DENND1A: variants seen among roughly 807,000 people sequenced by gnomAD.
DENND1A encodes DENN domain containing 1A, also known as DENN domain-containing protein 1A.
A neutral mutation model predicts 113.7 loss-of-function variants in DENND1A; 51 were observed. The observed-to-expected ratio is 0.45, with a 90% confidence interval of 0.36 to 0.57. The LOEUF (loss-of-function observed/expected upper bound fraction) is 0.57. Ranked by LOEUF, DENND1A falls within the 20% of genes least tolerant of loss-of-function variation. The pLI is 0.00. For missense variants in DENND1A, 1,258 were observed against 1,395.9 expected, an observed-to-expected ratio of 0.90 and a Z score of 1.57; for synonymous variants, 565 against 570.8, an observed-to-expected ratio of 0.99 and a Z score of 0.14.
chr9:123,800,885 G>C (rs920192231), intron 2 of DENND1A, among the ~76,000 whole-genome samples: 2 of 152,126 alleles, frequency 1.3e-5, no homozygotes, highest in Non-Finnish European at 2.9e-5. Context: ...TAAAAACACA[G>C]AGAAAATGTC....
intron 19 of DENND1A, chr9:123,437,717 G>T (rs534581212): frequency 1.3e-5 from 2 of 152,110 alleles, no homozygotes; most frequent in Non-Finnish European, 2.9e-5. Context: ...CTGGTGAAGT[G>T]GCCCTGGGCA....
At chr9:123,506,764 G>A (rs1332850283) in intron 13 of DENND1A, among the ~76,000 whole-genome samples, 1 of 152,088 alleles carries the variant, frequency 6.6e-6, no homozygotes, top group Non-Finnish European at 1.5e-5. Context: ...TCACAGGAGT[G>A]GGGTTGAACC....
At chr9:123,433,873 G>A (rs898995546) in intron 19 of DENND1A, among the ~76,000 whole-genome samples, 1 of 152,194 alleles carries the variant, frequency 6.6e-6, no homozygotes, top group Non-Finnish European at 1.5e-5. Context: ...GCCCATCCTT[G>A]GGCACAGGAG....
At chr9:123,559,574 A>T (rs2057619261) in intron 12 of DENND1A, among the ~76,000 whole-genome samples, 1 of 152,236 alleles carries the variant, frequency 6.6e-6, no homozygotes, top group African/African-American at 2.4e-5. Context: ...TGGGGAAAAA[A>T]AAATCCGACC....
chr9:123,481,470 C>T (rs769019343), intron 13 of DENND1A, among the ~76,000 whole-genome samples: 3 of 152,198 alleles, frequency 2.0e-5, no homozygotes, highest in Admixed American at 1.3e-4. Context: ...CCGAAGAGGC[C>T]GTCCTTCACT....
chr9:123,664,617 C>T (rs1273746293), intron 8 of DENND1A, among the ~76,000 whole-genome samples: 3 of 151,982 alleles, frequency 2.0e-5, no homozygotes, highest in African/African-American at 4.8e-5. Context: ...GGCCACATCC[C>T]TAAGGCACTT....
chr9:123,414,464 G>T, intron 19 of DENND1A: 1 of 1,508,196 alleles, frequency 6.6e-7, no homozygotes, highest in South Asian at 1.3e-5. Context: ...GCATCTCACA[G>T]GGTGTCTGCT....
At chr9:123,922,517 C>G (rs1262659014) in intron 1 of DENND1A, among the ~76,000 whole-genome samples, 1 of 152,170 alleles carries the variant, frequency 6.6e-6, no homozygotes, top group Non-Finnish European at 1.5e-5. Context: ...TTGTAAAAGC[C>G]AGAGATATCA....
chr9:123,688,046 G>A (rs763482940), intron 5 of DENND1A, among the ~76,000 whole-genome samples: 1 of 152,232 alleles, frequency 6.6e-6, no homozygotes, highest in African/African-American at 2.4e-5. Flanking sequence ...TATTTTAATA[G>A]TAGTGGAGAC....
At chr9:123,928,659 A>C (rs975051337) in intron 1 of DENND1A, 162 of 985,328 alleles carry the variant, frequency 1.6e-4, no homozygotes, top group African/African-American at 8.0e-4. Flanking sequence ...CATCTCATAC[A>C]TATTTTGTAA....
chr9:123,604,814 A>C (rs1477035213), intron 11 of DENND1A, among the ~76,000 whole-genome samples: 7 of 152,252 alleles, frequency 4.6e-5, no homozygotes, highest in African/African-American at 1.7e-4. Context: ...GATCCTGGGA[A>C]CCCAAGAGCT....
At chr9:123,531,057 T>C (rs968517938) in intron 13 of DENND1A, among the ~76,000 whole-genome samples, 1 of 152,202 alleles carries the variant, frequency 6.6e-6, no homozygotes, top group African/African-American at 2.4e-5. Context: ...GAGATAAAGA[T>C]ATTAAATACA....
chr9:123,615,132 G>A (rs1346800712), intron 10 of DENND1A, among the ~76,000 whole-genome samples: 1 of 152,208 alleles, frequency 6.6e-6, no homozygotes, highest in East Asian at 1.9e-4. Flanking sequence ...GCCAGTGTAG[G>A]AGAGGAAGCC....
rs189374345 is a variant in DENND1A, at chr9:123,918,564, C to T, written c.17+11325G>A. 9.4e-4 allele frequency among the ~76,000 whole-genome samples: 143 copies of T among 151,886 alleles called. 2 individuals carry two copies. The highest frequency in any genetic ancestry group is 6.5e-3 in the South Asian group (31 of 4,800). On this transcript the variant is annotated intron_variant, in intron 1 of 23. Coordinates refer to ENST00000394215, the MANE Select transcript of DENND1A (RefSeq NM_001352964.2). The stretch of plus-strand genomic sequence containing the variant: ...TAAACATCAGTGAGGACAGTAACTA[C>T]AGCAGATTGAAATATAGCCAATAAG...
chr9:123,615,781 C>T (rs1307183566), intron 10 of DENND1A, among the ~76,000 whole-genome samples: 1 of 152,176 alleles, frequency 6.6e-6, no homozygotes, highest in East Asian at 1.9e-4. Flanking sequence ...AATCCTGTTT[C>T]CCAGAGCCTC....
At chr9:123,394,360 C>T (rs538843937) in intron 21 of DENND1A, among the ~76,000 whole-genome samples, 81 of 152,002 alleles carry the variant, frequency 5.3e-4, no homozygotes, top group African/African-American at 1.5e-3. Flanking sequence ...ACTCCATGTC[C>T]GGGTGGGGAG....
intron 9 of DENND1A, among the ~76,000 whole-genome samples, chr9:123,650,815 G>C (rs993280145): frequency 5.5e-5 from 8 of 145,320 alleles, no homozygotes; most frequent in African/African-American, 2.1e-4. Context: ...ACTGAAGCAA[G>C]AGAATTACTT....
At chr9:123,802,379 T>A (rs1167482383) in intron 2 of DENND1A, among the ~76,000 whole-genome samples, 1 of 150,714 alleles carries the variant, frequency 6.6e-6, no homozygotes, top group Admixed American at 6.6e-5. Flanking sequence ...CATGCCCTCC[T>A]CCCTACCACA....
At chr9:123,429,393 T>TA (rs1237500838) in intron 19 of DENND1A, among the ~76,000 whole-genome samples, 1 of 151,930 alleles carries the variant, frequency 6.6e-6, no homozygotes, top group Non-Finnish European at 1.5e-5. Flanking sequence ...CCATCTCTAC[T>TA]AAAAAATACA....
Sources: gnomAD v4.1 joint callset for allele counts (sites outside exome capture counted in the v4.1 genomes callset) on GRCh38, gnomAD v4.1.1 for gene constraint, MANE v1.5 for transcripts, NCBI Gene and HGNC (gene_info 2026-07-23, HGNC 2026-07-21) for gene names.